The following SPHKAP variants were observed in gnomAD, a reference collection of about 807,000 sequenced individuals.
SPHKAP encodes A-kinase anchor protein SPHKAP.
Under a neutral mutation model 137.5 loss-of-function variants are expected in SPHKAP, and 67 were observed. The ratio of observed to expected loss-of-function variants is 0.49; its 90% CI spans 0.40 to 0.60. The LOEUF is 0.60. Among genes scored for constraint, SPHKAP ranks in the 20% least tolerant of loss-of-function variants. The probability of loss-of-function intolerance (pLI) is 0.00; values close to 1 mark genes in which losing one functional copy is unlikely to be tolerated. For synonymous variants in SPHKAP, 813 were observed against 785.3 expected (o/e 1.04, Z -0.59); for missense variants, 2,097 against 2,069.3 (o/e 1.01, Z -0.26).
intron 1 of SPHKAP, among the ~76,000 whole-genome samples, chr2:228,137,392 C>T (rs566872747): frequency 3.3e-5 from 5 of 152,178 alleles, no homozygotes; most frequent in Non-Finnish European, 5.9e-5. Flanking sequence ...TTCTGCAGTG[C>T]TGACAGTTGG....
intron 3 of SPHKAP, among the ~76,000 whole-genome samples, chr2:228,053,777 T>C (rs975938196): frequency 6.6e-6 from 1 of 152,216 alleles, no homozygotes; most frequent in African/African-American, 2.4e-5. Flanking sequence ...AGTCTTGTAA[T>C]GTATTTAGCA....
At chr2:228,116,673 G>A (rs1698719007) in intron 2 of SPHKAP, among the ~76,000 whole-genome samples, 1 of 152,162 alleles carries the variant, frequency 6.6e-6, no homozygotes, top group East Asian at 1.9e-4. Flanking sequence ...AATATTTGCT[G>A]TGGGTGAGCC....
intron 3 of SPHKAP, among the ~76,000 whole-genome samples, chr2:228,035,109 C>T (rs1695533893): frequency 6.8e-6 from 1 of 147,530 alleles, no homozygotes; most frequent in South Asian, 2.3e-4. Context: ...TTGCAGATGA[C>T]ATGATTGTAT....
In SPHKAP at chr2:228,013,950, C is replaced by A. The variant is rs536049402; in HGVS notation, c.4448+2456G>T. Among the ~76,000 whole-genome samples, 363 of 152,272 alleles carry A rather than the reference C, an allele frequency of 2.4e-3. 1 individual carries two copies. Among genetic ancestry groups the A allele is most frequent in the Non-Finnish European group, 4.5e-3 (306 of 68,014 alleles). On this transcript the variant is annotated intron_variant, in intron 7 of 11. Coordinates refer to ENST00000392056, the MANE Select transcript of SPHKAP (RefSeq NM_001142644.2). Reference sequence around the variant, plus strand: ...ATTGGTGGAAAACCAAACCAGAAATCATGATTTGAGAGGGTGTGTTCTTGG... The same window carrying A: ...ATTGGTGGAAAACCAAACCAGAAATAATGATTTGAGAGGGTGTGTTCTTGG...
chr2:228,063,166 ATCTATCTATCTG>A (rs1470648367), intron 3 of SPHKAP, among the ~76,000 whole-genome samples: 8 of 142,028 alleles, frequency 5.6e-5, no homozygotes, highest in South Asian at 2.2e-4. Context: ...CTATCTATCT[ATCTATCTATCTG>A]TCTGTCTGTC....
chr2:228,075,922 T>C (rs1333567424), intron 3 of SPHKAP, among the ~76,000 whole-genome samples: 2 of 152,244 alleles, frequency 1.3e-5, no homozygotes, highest in African/African-American at 4.8e-5. Flanking sequence ...GGGTTGGCTG[T>C]GTCCTCACTC....
chr2:228,035,668 T>C (rs1297276817), intron 3 of SPHKAP, among the ~76,000 whole-genome samples: 1 of 152,198 alleles, frequency 6.6e-6, no homozygotes, highest in Non-Finnish European at 1.5e-5. Context: ...AGCATGGCAC[T>C]GGTACCAAAA....
rs572484894 is a variant in SPHKAP at position 227,997,338 on chromosome 2, C to T, written c.4449-1644G>A. ...CCAAATGGTGGAGAAGTGTGTGCTT[C>T]GAGCATACATTCTGCCATCCAACTG... On this transcript the variant is annotated intron_variant, in intron 7 of 11. Coordinates refer to ENST00000392056, the MANE Select transcript of SPHKAP (RefSeq NM_001142644.2). Among the ~76,000 whole-genome samples the T allele has an allele frequency of 4.6e-5, 7 of 152,232 alleles. No homozygotes were observed. The East Asian group carries it at 9.7e-4, about 21-fold the overall frequency.
At chr2:228,005,780 A>T (rs1694104456) in intron 7 of SPHKAP, among the ~76,000 whole-genome samples, 1 of 152,094 alleles carries the variant, frequency 6.6e-6, no homozygotes, top group Admixed American at 6.6e-5. Context: ...GCTTGTCTGT[A>T]AAGTATTTTA....
intron 1 of SPHKAP, among the ~76,000 whole-genome samples, chr2:228,161,117 G>A (rs1469580417): frequency 6.6e-6 from 1 of 152,186 alleles, no homozygotes; most frequent in Non-Finnish European, 1.5e-5. Flanking sequence ...ATACTTAGCA[G>A]GGATTTGACT....
intron 3 of SPHKAP, among the ~76,000 whole-genome samples, chr2:228,038,249 A>T (rs903969841): frequency 1.3e-5 from 2 of 152,230 alleles, no homozygotes; most frequent in Non-Finnish European, 2.9e-5. Flanking sequence ...AACTGGATCA[A>T]TCATGAATGG....
chr2:228,069,475 G>A (rs1696940099), intron 3 of SPHKAP, among the ~76,000 whole-genome samples: 2 of 148,344 alleles, frequency 1.3e-5, no homozygotes, highest in South Asian at 4.3e-4. Flanking sequence ...AGAGATGGGG[G>A]GGTCTCACTC....
chr2:228,112,690 G>T (rs1486923678), intron 2 of SPHKAP, among the ~76,000 whole-genome samples: 1 of 152,136 alleles, frequency 6.6e-6, no homozygotes, highest in South Asian at 2.1e-4. Flanking sequence ...TGGGAGAAGA[G>T]CTGGCTACCT....
intron 3 of SPHKAP, among the ~76,000 whole-genome samples, chr2:228,099,856 T>G (rs113423999): frequency 7.7e-3 from 79 of 10,298 alleles, no homozygotes; most frequent in Non-Finnish European, 0.012. Flanking sequence ...TTTTTTTTTG[T>G]TTGTTTTTTT....
At position 227,984,402 on chromosome 2, in the gene SPHKAP, C is replaced by G. The variant is rs537957733; in HGVS notation, c.4960-2542G>C. On this transcript the variant is annotated intron_variant, in intron 11 of 11. Coordinates refer to ENST00000392056, the MANE Select transcript of SPHKAP (RefSeq NM_001142644.2). ...TTCTTAGCTTCTTGTCTACCTGATT[C>G]TTGACATTTTAGGAACAGACTACAA... Among the ~76,000 whole-genome samples, 41 of 151,784 alleles carry G rather than the reference C, an allele frequency of 2.7e-4. 1 individual carries two copies. The highest frequency in any genetic ancestry group is 9.4e-4 in the African/African-American group (39 of 41,374).
chr2:228,062,776 T>C (rs186407929), intron 3 of SPHKAP, among the ~76,000 whole-genome samples: 81 of 152,152 alleles, frequency 5.3e-4, no homozygotes, highest in Non-Finnish European at 8.2e-4. Flanking sequence ...TGAAGAACCA[T>C]ACAGGTATAA....
At chr2:228,151,552 T>G (rs10208095) in intron 1 of SPHKAP, among the ~76,000 whole-genome samples, 94,332 of 151,460 alleles carry the variant, frequency 0.62, 29,437 homozygotes, top group Admixed American at 0.7. Flanking sequence ...CCCGTTAACA[T>G]TGTAAAAGTG....
chr2:228,124,797 C>A (rs1699022526), intron 2 of SPHKAP, among the ~76,000 whole-genome samples: 1 of 152,042 alleles, frequency 6.6e-6, no homozygotes, highest in Admixed American at 6.6e-5. Context: ...TATGCCTGTG[C>A]CTGAACACAT....
chr2:228,069,603 T>A (rs919119637), intron 3 of SPHKAP, among the ~76,000 whole-genome samples: 2 of 150,500 alleles, frequency 1.3e-5, no homozygotes, highest in South Asian at 4.2e-4. Context: ...TAAAAGAAGT[T>A]TTTTTTTTTC....
Sources: gnomAD v4.1 joint callset for allele counts (sites outside exome capture counted in the v4.1 genomes callset) on GRCh38, gnomAD v4.1.1 for gene constraint, MANE v1.5 for transcripts, NCBI Gene and HGNC (gene_info 2026-07-23, HGNC 2026-07-21) for gene names.